The following RFX4 variants were observed in gnomAD, a reference collection of about 807,000 sequenced individuals.
RFX4 encodes the protein regulatory factor X4.
RFX4 carries 10 observed loss-of-function variants against 95.0 expected under a neutral mutation model. That is an observed-to-expected ratio of 0.11 (90% confidence interval 0.06 to 0.18). RFX4 has a LOEUF of 0.18. Ranked by LOEUF, RFX4 falls within the 10% of genes least tolerant of loss-of-function variation. The pLI, the probability that RFX4 is intolerant of heterozygous loss-of-function variation, is 1.00. For synonymous variants in RFX4, 321 were observed against 340.7 expected (o/e 0.94, Z 0.64); for missense variants, 640 against 922.0 (o/e 0.69, Z 3.96).
intron 17 of RFX4, among the ~76,000 whole-genome samples, chr12:106,753,217 T>C (rs565725501): frequency 2.0e-5 from 3 of 152,252 alleles, no homozygotes; most frequent in African/African-American, 7.2e-5. Flanking sequence ...CCCGCAGCCA[T>C]GCCAGCCCAC....
intron 2 of RFX4, among the ~76,000 whole-genome samples, chr12:106,627,766 G>C (rs1592867681): frequency 6.6e-6 from 1 of 152,218 alleles, no homozygotes; most frequent in Non-Finnish European, 1.5e-5. Flanking sequence ...GGCCTTATCT[G>C]TTGTGGAGAG....
intron 2 of RFX4, among the ~76,000 whole-genome samples, chr12:106,610,255 AAAAG>A (rs1208789909): frequency 6.6e-6 from 1 of 151,926 alleles, no homozygotes; most frequent in Non-Finnish European, 1.5e-5. Context: ...AAAAAAAAAA[AAAAG>A]AATGAAACAT....
chr12:106,738,284 T>C (rs977159057), intron 15 of RFX4, among the ~76,000 whole-genome samples: 3 of 152,148 alleles, frequency 2.0e-5, no homozygotes, highest in Non-Finnish European at 2.9e-5. Flanking sequence ...CAGAAACCAT[T>C]TGGATGAAAT....
At chr12:106,735,762 T>C (rs193055992) in intron 15 of RFX4, among the ~76,000 whole-genome samples, 4 of 152,154 alleles carry the variant, frequency 2.6e-5, no homozygotes, top group East Asian at 3.9e-4. Context: ...GGGAAATAAA[T>C]AGATTAATAT....
At chr12:106,680,376 A>G (rs903630898) in intron 4 of RFX4, among the ~76,000 whole-genome samples, 1 of 152,152 alleles carries the variant, frequency 6.6e-6, no homozygotes, top group Non-Finnish European at 1.5e-5. Context: ...TAGCCCTCCA[A>G]TTAGGGGAAG....
At chr12:106,603,788 C>T (rs1220978406) in intron 1 of RFX4, among the ~76,000 whole-genome samples, 1 of 152,340 alleles carries the variant, frequency 6.6e-6, no homozygotes, top group African/African-American at 2.4e-5. Flanking sequence ...TGCTTCAAGC[C>T]TAACTTTCCA....
chr12:106,601,169 C>A, intron 1 of RFX4: 1 of 1,505,344 alleles, frequency 6.6e-7, no homozygotes, highest in Non-Finnish European at 8.9e-7. Context: ...CTGAGCCACC[C>A]CCTGGAGAGG....
chr12:106,631,683 G>A (rs2040418321), intron 2 of RFX4, among the ~76,000 whole-genome samples: 1 of 152,192 alleles, frequency 6.6e-6, no homozygotes, highest in South Asian at 2.1e-4. Flanking sequence ...CCTTCATCTT[G>A]AACTTCCAAG....
chr12:106,610,140 A>G (rs2039928539), intron 2 of RFX4, among the ~76,000 whole-genome samples: 1 of 150,858 alleles, frequency 6.6e-6, no homozygotes, highest in Non-Finnish European at 1.5e-5. Context: ...CGAGAGGCTG[A>G]GGCAGGAGAA....
At chr12:106,753,465 C>T (rs2043048972) in intron 17 of RFX4, among the ~76,000 whole-genome samples, 1 of 152,168 alleles carries the variant, frequency 6.6e-6, no homozygotes, top group African/African-American at 2.4e-5. Context: ...GTTATCATCA[C>T]CAACTTTCCT....
intron 4 of RFX4, among the ~76,000 whole-genome samples, chr12:106,656,312 C>T (rs2040956216): frequency 6.6e-6 from 1 of 152,194 alleles, no homozygotes; most frequent in Non-Finnish European, 1.5e-5. Context: ...TCAAGAGCCA[C>T]ATGTGACTAG....
chr12:106,687,898 TA>T (rs2041693906), intron 6 of RFX4, among the ~76,000 whole-genome samples: 1 of 152,174 alleles, frequency 6.6e-6, no homozygotes, highest in Non-Finnish European at 1.5e-5. Flanking sequence ...TTCCACAGGA[TA>T]AAGTCCATTT....
At chr12:106,626,860 C>T (rs2040310956) in intron 2 of RFX4, among the ~76,000 whole-genome samples, 2 of 152,154 alleles carry the variant, frequency 1.3e-5, no homozygotes, top group Admixed American at 6.5e-5. Context: ...ATTTCCTTAA[C>T]ATCTAAATGA....
At chr12:106,677,193 C>A (rs1488534450) in intron 4 of RFX4, among the ~76,000 whole-genome samples, 1 of 152,144 alleles carries the variant, frequency 6.6e-6, no homozygotes, top group Non-Finnish European at 1.5e-5. Flanking sequence ...TCACTGTATA[C>A]CACTGTTTCC....
chr12:106,668,192 A>G (rs1311811608), intron 4 of RFX4, among the ~76,000 whole-genome samples: 1 of 152,232 alleles, frequency 6.6e-6, no homozygotes, highest in East Asian at 1.9e-4. Flanking sequence ...TTTCTAGCAG[A>G]TGGCTTCCAG....
At chr12:106,751,133 G>A in intron 17 of RFX4, among the ~76,000 whole-genome samples, 1 of 140,662 alleles carries the variant, frequency 7.1e-6, no homozygotes, top group Admixed American at 8.1e-5. Context: ...TCCCCTTCCT[G>A]TGTCCATGTG....
rs545754521 is a variant in RFX4, at chr12:106,685,954, C to T, written c.378-930C>T. The stretch of plus-strand genomic sequence containing the variant: ...TAGCTAAAATCTAAACAAAATGCAG[C>T]CTCCAATCCCTTGTTAGTCTTAATT... On this transcript the variant is annotated intron_variant, in intron 5 of 17. Coordinates refer to ENST00000392842, the MANE Select transcript of RFX4 (RefSeq NM_213594.3). Among the ~76,000 whole-genome samples, 9 of 152,322 alleles carry T rather than the reference C, an allele frequency of 5.9e-5. No individual in the cohort carries two copies. The East Asian group carries it at 1.7e-3, about 29-fold the overall frequency.
At chr12:106,760,280 A>G (rs1242416063) in intron 17 of RFX4, among the ~76,000 whole-genome samples, 1 of 152,166 alleles carries the variant, frequency 6.6e-6, no homozygotes, top group Admixed American at 6.5e-5. Context: ...GGAGCTTTCA[A>G]AGGAAGCCCA....
intron 17 of RFX4, among the ~76,000 whole-genome samples, chr12:106,753,077 A>G (rs1284749932): frequency 2.0e-5 from 3 of 152,052 alleles, no homozygotes; most frequent in Admixed American, 6.5e-5. Context: ...AGGCTTTCGG[A>G]AAAAAACCCA....
Sources: gnomAD v4.1 joint callset for allele counts (sites outside exome capture counted in the v4.1 genomes callset) on GRCh38, gnomAD v4.1.1 for gene constraint, MANE v1.5 for transcripts, NCBI Gene and HGNC (gene_info 2026-07-23, HGNC 2026-07-21) for gene names.